The following CHLSN variants were observed in gnomAD, a reference collection of about 807,000 sequenced individuals.
CHLSN encodes cholesin, also known as protein cholesin.
the CHLSN span, among the ~76,000 whole-genome samples, chr7:1,030,527 C>G: frequency 6.6e-6 from 1 of 152,244 alleles, no homozygotes; most frequent in Non-Finnish European, 1.5e-5. Flanking sequence ...TCCAGCTACC[C>G]TGCTCTTTGC....
At chr7:1,087,846 T>C in the CHLSN span, among the ~76,000 whole-genome samples, 4 of 152,238 alleles carry the variant, frequency 2.6e-5, no homozygotes, top group African/African-American at 9.7e-5. Flanking sequence ...GGTTATTGCC[T>C]AAAAGATACA....
chr7:985,064 T>C, the CHLSN span: 2 of 1,612,454 alleles, frequency 1.2e-6, no homozygotes, highest in Non-Finnish European at 1.7e-6. Context: ...CTGCAGGAGC[T>C]GAAATGCCTC....
the CHLSN span, among the ~76,000 whole-genome samples, chr7:1,084,085 G>T: frequency 6.6e-6 from 1 of 152,228 alleles, no homozygotes; most frequent in African/African-American, 2.4e-5. Flanking sequence ...TCAGGATATG[G>T]CACGGAATGC....
chr7:1,116,044 G>A, the CHLSN span, among the ~76,000 whole-genome samples: 163 of 121,396 alleles, frequency 1.3e-3, no homozygotes, highest in African/African-American at 4.4e-3. Flanking sequence ...ACAGCTCTAC[G>A]GACCCGCTTC....
At chr7:1,082,036 G>T in the CHLSN span, 1 of 152,332 alleles carries the variant, frequency 6.6e-6, no homozygotes, top group Non-Finnish European at 1.5e-5. Context: ...CCCCGCAGGA[G>T]CACGCACTCC....
the CHLSN span, among the ~76,000 whole-genome samples, chr7:1,135,889 A>ATG: frequency 2.2e-5 from 3 of 135,372 alleles, no homozygotes; most frequent in African/African-American, 8.3e-5. Context: ...ATGAATATAT[A>ATG]AATATATAAG....
the CHLSN span, among the ~76,000 whole-genome samples, chr7:1,094,819 A>G: frequency 6.6e-6 from 1 of 152,176 alleles, no homozygotes; most frequent in African/African-American, 2.4e-5. Flanking sequence ...TGGGGCCTGT[A>G]TTCTCCATGA....
the CHLSN span, among the ~76,000 whole-genome samples, chr7:1,030,598 C>G: frequency 6.6e-6 from 1 of 152,212 alleles, no homozygotes. Flanking sequence ...CTATGCCTTC[C>G]TAGGTCCTGC....
chr7:1,053,818 C>T, the CHLSN span, among the ~76,000 whole-genome samples: 1 of 152,132 alleles, frequency 6.6e-6, no homozygotes, highest in East Asian at 1.9e-4. Context: ...CAGAGCGAGA[C>T]TCCATCTCAA....
the CHLSN span, among the ~76,000 whole-genome samples, chr7:1,090,783 A>G: frequency 6.6e-6 from 1 of 152,264 alleles, no homozygotes; most frequent in Non-Finnish European, 1.5e-5. Flanking sequence ...TAGGTTTTAC[A>G]ATAATTTGTT....
the CHLSN span, among the ~76,000 whole-genome samples, chr7:1,090,283 T>TGACTGCCCCCGC: frequency 1.3e-5 from 2 of 152,294 alleles, no homozygotes; most frequent in East Asian, 1.9e-4. Flanking sequence ...CACCCCCCTG[T>TGACTGCCCCCGC]GACTGCCCCC....
chr7:1,024,765 G>A, the CHLSN span: 2 of 152,148 alleles, frequency 1.3e-5, no homozygotes, highest in South Asian at 2.1e-4. Context: ...TTTTTATAAA[G>A]ATCAGATCAG....
chr7:1,095,647 C>G, the CHLSN span, among the ~76,000 whole-genome samples: 2 of 152,224 alleles, frequency 1.3e-5, no homozygotes, highest in African/African-American at 4.8e-5. Flanking sequence ...TGGTCTGGTC[C>G]CCACCCCTCA....
chr7:1,070,804 TGCACACACA>T, the CHLSN span, among the ~76,000 whole-genome samples: 1 of 114,852 alleles, frequency 8.7e-6, no homozygotes, highest in Non-Finnish European at 1.7e-5. Context: ...CGTGCACACA[TGCACACACA>T]TCCACACGTG....
the CHLSN span, among the ~76,000 whole-genome samples, chr7:1,070,659 G>A: frequency 1.4e-5 from 2 of 142,556 alleles, no homozygotes; most frequent in African/African-American, 2.6e-5. Flanking sequence ...GCACACACAT[G>A]CACGCACATA....
At chr7:1,136,605 A>AAT in the CHLSN span, among the ~76,000 whole-genome samples, 1 of 143,730 alleles carries the variant, frequency 7.0e-6, no homozygotes. Context: ...AACATATATA[A>AAT]ATATATATAA....
the CHLSN span, among the ~76,000 whole-genome samples, chr7:1,133,411 A>C: frequency 6.8e-6 from 1 of 147,902 alleles, no homozygotes; most frequent in Non-Finnish European, 1.5e-5. Flanking sequence ...AAAAAAAAAA[A>C]AACTATAATC....
chr7:1,078,354 G>C, the CHLSN span, among the ~76,000 whole-genome samples: 13 of 152,060 alleles, frequency 8.5e-5, no homozygotes, highest in African/African-American at 2.7e-4. Context: ...CGGGGTGGGG[G>C]GGGGCTCAGG....
the CHLSN span, among the ~76,000 whole-genome samples, chr7:1,001,068 C>T: frequency 5.9e-5 from 9 of 152,204 alleles, no homozygotes; most frequent in South Asian, 2.1e-4. Flanking sequence ...GCCCCCGTCC[C>T]GCTCCTGCAC....
Sources: allele counts gnomAD v4.1 joint callset (sites outside exome capture counted in the v4.1 genomes callset), GRCh38; gene constraint gnomAD v4.1.1; transcripts MANE v1.5; gene names NCBI Gene and HGNC (gene_info 2026-07-23, HGNC 2026-07-21).